CDYL: variants seen among roughly 807,000 people sequenced by gnomAD.
CDYL encodes the protein chromodomain Y like.
Under a neutral mutation model 47.3 loss-of-function variants are expected in CDYL, and 8 were observed. The observed-to-expected ratio is 0.17, with a 90% CI of 0.10 to 0.31. The LOEUF (loss-of-function observed/expected upper bound fraction) is 0.31. Ranked by LOEUF, CDYL falls within the 10% of genes least tolerant of loss-of-function variation. The pLI is 1.00. For missense variants in CDYL, 471 were observed against 701.4 expected, an observed-to-expected ratio of 0.67 and a Z score of 3.71; for synonymous variants, 266 against 265.0, an observed-to-expected ratio of 1.00 and a Z score of -0.04.
intron 1 of CDYL, among the ~76,000 whole-genome samples, chr6:4,827,463 T>G (rs1760010910): frequency 6.6e-6 from 1 of 152,222 alleles, no homozygotes; most frequent in Non-Finnish European, 1.5e-5. Context: ...TTTAGATATT[T>G]TCTTTGTGGT....
chr6:4,897,068 T>C (rs1209708749), intron 2 of CDYL, among the ~76,000 whole-genome samples: 1 of 152,104 alleles, frequency 6.6e-6, no homozygotes, highest in African/African-American at 2.4e-5. Context: ...CTTCTTTCTC[T>C]CTATCAATGT....
intron 1 of CDYL, among the ~76,000 whole-genome samples, chr6:4,863,627 T>C (rs1274313203): frequency 3.3e-5 from 5 of 152,232 alleles, no homozygotes; most frequent in Admixed American, 2.6e-4. Context: ...TGTGAAATTA[T>C]GAAGAGTTGC....
At chr6:4,712,921 G>C (rs138267829) in intron 1 of CDYL, among the ~76,000 whole-genome samples, 108 of 152,320 alleles carry the variant, frequency 7.1e-4, no homozygotes, top group African/African-American at 2.5e-3. Flanking sequence ...GGGGTGGGCA[G>C]ATCACTTGAG....
intron 1 of CDYL, among the ~76,000 whole-genome samples, chr6:4,782,101 G>C (rs1758633809): frequency 6.6e-6 from 1 of 152,096 alleles, no homozygotes; most frequent in South Asian, 2.1e-4. Flanking sequence ...CGGAAGAGGA[G>C]CTCTCGGTGG....
chr6:4,796,572 T>C (rs577016076), intron 1 of CDYL, among the ~76,000 whole-genome samples: 2 of 152,222 alleles, frequency 1.3e-5, no homozygotes, highest in African/African-American at 4.8e-5. Context: ...ATTTTGAGCC[T>C]AGGCTTTAGA....
In CDYL at chr6:4,947,064, G is replaced by A. The variant is rs535464510; in HGVS notation, c.1332+3308G>A. On this transcript the variant is annotated intron_variant, in intron 5 of 6. Transcript: ENST00000397588. ...CTTGTGGTTGGGCCCCAGGTCAGGC[G>A]CCCTGAGAATCCAGGCCCTCGTGTT... 3.4e-4 allele frequency among the ~76,000 whole-genome samples: 52 copies of A among 152,330 alleles called. 1 individual carries two copies. The South Asian group carries it at 9.5e-3, about 28-fold the overall frequency.
chr6:4,800,539 TC>T (rs1282045739), intron 1 of CDYL, among the ~76,000 whole-genome samples: 2 of 152,190 alleles, frequency 1.3e-5, no homozygotes, highest in African/African-American at 4.8e-5. Flanking sequence ...CTTCATTTCT[TC>T]CTGTAGCTCT....
At chr6:4,733,725 C>T (rs545396533) in intron 2 of CDYL, among the ~76,000 whole-genome samples, 30 of 152,248 alleles carry the variant, frequency 2.0e-4, no homozygotes, top group African/African-American at 6.7e-4. Context: ...AAAGGCTTTT[C>T]CCGTCCACCT....
chr6:4,921,631 T>C (rs1257013097), intron 2 of CDYL, among the ~76,000 whole-genome samples: 1 of 152,144 alleles, frequency 6.6e-6, no homozygotes, highest in Admixed American at 6.5e-5. Context: ...CACCTTTGTG[T>C]CATATGCTTT....
intron 1 of CDYL, among the ~76,000 whole-genome samples, chr6:4,782,119 T>C (rs1758634466): frequency 6.7e-6 from 1 of 149,978 alleles, no homozygotes. Context: ...TGGACCAGAC[T>C]GGTTCTTTCT....
chr6:4,874,086 C>G (rs550079327), intron 1 of CDYL, among the ~76,000 whole-genome samples: 4 of 152,176 alleles, frequency 2.6e-5, no homozygotes, highest in Non-Finnish European at 5.9e-5. Flanking sequence ...CACACACTCT[C>G]AACAGTTAAA....
At chr6:4,886,985 G>A (rs1185260909) in intron 1 of CDYL, among the ~76,000 whole-genome samples, 1 of 152,146 alleles carries the variant, frequency 6.6e-6, no homozygotes. Context: ...TAGTGACAGT[G>A]TTGTCCAAAA....
intron 3 of CDYL, among the ~76,000 whole-genome samples, chr6:4,743,837 G>A (rs1757839976): frequency 6.6e-6 from 1 of 152,208 alleles, no homozygotes; most frequent in Non-Finnish European, 1.5e-5. Flanking sequence ...CAGATGTGTA[G>A]TATGATAAGA....
rs533661365 is a variant in CDYL, at chr6:4,835,925, G to C, written c.25-55788G>C. ...TCCTGGTGCGCCATTTTTTAAGCCCGTCAGAAAAGCGCAGTATTCGGGTGG... is the reference window on the plus strand; with the variant it reads ...TCCTGGTGCGCCATTTTTTAAGCCCCTCAGAAAAGCGCAGTATTCGGGTGG... On this transcript the variant is annotated intron_variant, in intron 1 of 6. Coordinates refer to ENST00000397588, the MANE Select transcript of CDYL (RefSeq NM_004824.4). Among the ~76,000 whole-genome samples the C allele has an allele frequency of 3.6e-3, 545 of 152,268 alleles. 6 individuals are homozygous for C. The highest frequency in any genetic ancestry group is 0.012 in the African/African-American group (513 of 41,552).
chr6:4,944,688 G>A (rs955685945), intron 5 of CDYL, among the ~76,000 whole-genome samples: 18 of 152,320 alleles, frequency 1.2e-4, no homozygotes, highest in African/African-American at 4.1e-4. Flanking sequence ...AGAAGATTAG[G>A]CAGCAATAAC....
At chr6:4,795,153 TAA>T (rs144456009) in intron 1 of CDYL, among the ~76,000 whole-genome samples, 1 of 148,794 alleles carries the variant, frequency 6.7e-6, no homozygotes, top group African/African-American at 2.5e-5. Context: ...TGCTCTTTTT[TAA>T]AAAAAAAAAT....
At chr6:4,821,397 C>G (rs754726997) in intron 1 of CDYL, among the ~76,000 whole-genome samples, 9 of 150,858 alleles carry the variant, frequency 6.0e-5, no homozygotes, top group Non-Finnish European at 1.3e-4. Flanking sequence ...CCTGCCTCAG[C>G]CACCCCACGC....
chr6:4,936,342 G>T (rs897448227), intron 3 of CDYL, among the ~76,000 whole-genome samples: 1 of 152,182 alleles, frequency 6.6e-6, no homozygotes, highest in Admixed American at 6.5e-5. Context: ...TGTTGGAAAG[G>T]TTAGAACATG....
At chr6:4,854,814 C>T (rs1174677950) in intron 1 of CDYL, among the ~76,000 whole-genome samples, 1 of 152,136 alleles carries the variant, frequency 6.6e-6, no homozygotes, top group Non-Finnish European at 1.5e-5. Flanking sequence ...CACCACACAC[C>T]GATTTAGGTT....
Sources: allele counts gnomAD v4.1 joint callset (sites outside exome capture counted in the v4.1 genomes callset), GRCh38; gene constraint gnomAD v4.1.1; transcripts MANE v1.5; gene names NCBI Gene and HGNC (gene_info 2026-07-23, HGNC 2026-07-21).